The following NEGR1 variants were observed in gnomAD, a reference collection of about 807,000 sequenced individuals.
NEGR1 encodes the protein IgLON family member 4.
NEGR1 carries 10 observed loss-of-function variants against 40.9 expected under a neutral mutation model. That is an observed-to-expected ratio of 0.24 (90% confidence interval 0.15 to 0.42). The LOEUF is 0.42. NEGR1 is among the 10% of genes least tolerant of loss of function. The pLI, the probability that NEGR1 is intolerant of heterozygous loss-of-function variation, is 1.00. For synonymous variants in NEGR1, 185 were observed against 166.8 expected, an observed-to-expected ratio of 1.11 and a Z score of -0.84; for missense variants, 352 against 438.9, an observed-to-expected ratio of 0.80 and a Z score of 1.77.
chr1:72,264,406 T>C (rs2100549378), intron 1 of NEGR1, among the ~76,000 whole-genome samples: 1 of 151,304 alleles, frequency 6.6e-6, no homozygotes, highest in African/African-American at 2.4e-5. Flanking sequence ...GAAATATGTT[T>C]AAATTTAAAT....
chr1:72,147,609 G>A (rs1178090008), intron 1 of NEGR1, among the ~76,000 whole-genome samples: 1 of 151,984 alleles, frequency 6.6e-6, no homozygotes, highest in Non-Finnish European at 1.5e-5. Flanking sequence ...TTCCCCTAAA[G>A]TCTTAGTATT....
chr1:71,436,968 A>G (rs560536945), intron 6 of NEGR1, among the ~76,000 whole-genome samples: 1 of 152,156 alleles, frequency 6.6e-6, no homozygotes, highest in Non-Finnish European at 1.5e-5. Context: ...TTTCACCTGC[A>G]TAGGGGCTTA....
chr1:71,856,362 C>A (rs1659760060), intron 2 of NEGR1, among the ~76,000 whole-genome samples: 1 of 152,086 alleles, frequency 6.6e-6, no homozygotes, highest in South Asian at 2.1e-4. Context: ...TGAGTAAGCA[C>A]ATGATGGCAG....
chr1:72,181,428 TGGA>T (rs1235769984), intron 1 of NEGR1, among the ~76,000 whole-genome samples: 1 of 152,044 alleles, frequency 6.6e-6, no homozygotes, highest in African/African-American at 2.4e-5. Flanking sequence ...AGTGAGTGTG[TGGA>T]GAAGAGGGAA....
intron 4 of NEGR1, among the ~76,000 whole-genome samples, chr1:71,684,918 A>G (rs1031328261): frequency 1.3e-5 from 2 of 152,100 alleles, no homozygotes; most frequent in African/African-American, 4.8e-5. Context: ...ATATCTTTTA[A>G]CCTGTTTTCA....
At chr1:72,184,402 C>A (rs1217571721) in intron 1 of NEGR1, among the ~76,000 whole-genome samples, 1 of 151,830 alleles carries the variant, frequency 6.6e-6, no homozygotes, top group Non-Finnish European at 1.5e-5. Context: ...TTGGCAGAAT[C>A]AAAGGAAAAA....
chr1:71,466,733 T>C (rs1646748563), intron 6 of NEGR1, among the ~76,000 whole-genome samples: 1 of 152,058 alleles, frequency 6.6e-6, no homozygotes, highest in Non-Finnish European at 1.5e-5. Context: ...CTGGTGTACA[T>C]GGAGGAGAGT....
intron 1 of NEGR1, among the ~76,000 whole-genome samples, chr1:72,080,726 G>T (rs965124608): frequency 4.6e-5 from 7 of 152,038 alleles, no homozygotes; most frequent in Non-Finnish European, 8.8e-5. Flanking sequence ...AAAATTATAA[G>T]AGAAACCACC....
At chr1:71,828,844 T>C (rs1658735834) in intron 2 of NEGR1, among the ~76,000 whole-genome samples, 1 of 151,970 alleles carries the variant, frequency 6.6e-6, no homozygotes, top group South Asian at 2.1e-4. Flanking sequence ...GTTTGGCTTA[T>C]GTTTTCCTCC....
chr1:71,959,224 A>AT (rs2100291865), intron 1 of NEGR1, among the ~76,000 whole-genome samples: 1 of 152,252 alleles, frequency 6.6e-6, no homozygotes, highest in South Asian at 2.1e-4. Flanking sequence ...CTATATATAT[A>AT]AAAATCCCTC....
Position 71,949,915 on chromosome 1 carries a change from C to G in NEGR1, c.177-14604G>C, listed in dbSNP as rs186913676. ...GAAGCTGCTCATATAGTTTCGTTTT[C>G]TTTCCTATGTTTCTGGAACATGTAA... On this transcript the variant is annotated intron_variant, in intron 1 of 6. Transcript: ENST00000357731. Among the ~76,000 whole-genome samples the G allele has an allele frequency of 1.5e-4, 23 of 151,896 alleles. No individual in the cohort carries two copies. In the East Asian group the frequency reaches 4.5e-3, roughly 29 times the overall value.
rs1473249087 is a variant in NEGR1, at chr1:71,611,155, GA to G, written c.668-10del. 8 of 1,611,766 alleles carry G rather than the reference GA, an allele frequency of 5.0e-6. No individual in the cohort carries two copies. Among genetic ancestry groups the G allele is most frequent in the Non-Finnish European group, 5.9e-6 (7 of 1,178,698 alleles). On this transcript the variant is annotated splice_polypyrimidine_tract_variant and intron_variant, in intron 4 of 6. Coordinates refer to ENST00000357731, the MANE Select transcript of NEGR1 (RefSeq NM_173808.3). Reference sequence around the variant, plus strand: ...CTGAATAGTAGGAGCAACTGCAAAAGAAACAAACAAACAAATACTAGTAGAT... The same window carrying G: ...CTGAATAGTAGGAGCAACTGCAAAAGAACAAACAAACAAATACTAGTAGAT...
intron 2 of NEGR1, among the ~76,000 whole-genome samples, chr1:71,794,066 G>A (rs1292541855): frequency 6.6e-6 from 1 of 152,048 alleles, no homozygotes; most frequent in Non-Finnish European, 1.5e-5. Flanking sequence ...AAGTTAAAAG[G>A]ATAAGTATTC....
chr1:71,944,418 T>A (rs887594614), intron 1 of NEGR1, among the ~76,000 whole-genome samples: 1 of 152,132 alleles, frequency 6.6e-6, no homozygotes, highest in Non-Finnish European at 1.5e-5. Flanking sequence ...ATACACCTTA[T>A]CCCTAAATTG....
chr1:72,278,144 A>G (rs1189796183), intron 1 of NEGR1, among the ~76,000 whole-genome samples: 1 of 152,138 alleles, frequency 6.6e-6, no homozygotes, highest in Non-Finnish European at 1.5e-5. Context: ...TTAGAGTATC[A>G]TAGTAGGATA....
chr1:71,614,883 G>T (rs2101546821), intron 4 of NEGR1, among the ~76,000 whole-genome samples: 1 of 152,266 alleles, frequency 6.6e-6, no homozygotes, highest in South Asian at 2.1e-4. Context: ...CAAGTTAAAG[G>T]GACATGATCC....
chr1:71,746,459 T>C (rs940257303), intron 3 of NEGR1, among the ~76,000 whole-genome samples: 2 of 152,174 alleles, frequency 1.3e-5, no homozygotes, highest in South Asian at 2.1e-4. Flanking sequence ...CTGACAGCTA[T>C]GAAAAATCCT....
At chr1:71,991,692 C>T (rs1175846760) in intron 1 of NEGR1, among the ~76,000 whole-genome samples, 1 of 152,164 alleles carries the variant, frequency 6.6e-6, no homozygotes, top group Non-Finnish European at 1.5e-5. Context: ...TAATTGAGAT[C>T]AACAAACAAG....
At chr1:71,846,411 A>T (rs1289941422) in intron 2 of NEGR1, among the ~76,000 whole-genome samples, 2 of 133,156 alleles carry the variant, frequency 1.5e-5, no homozygotes, top group Non-Finnish European at 3.1e-5. Context: ...ACAAACACAC[A>T]CACAAACACA....
Sources: gnomAD v4.1 joint callset for allele counts (sites outside exome capture counted in the v4.1 genomes callset) on GRCh38, gnomAD v4.1.1 for gene constraint, MANE v1.5 for transcripts, NCBI Gene and HGNC (gene_info 2026-07-23, HGNC 2026-07-21) for gene names.